Variants in EIF4G3 observed in about 807,000 individuals in gnomAD.
EIF4G3 encodes eIF-4-gamma 3.
In EIF4G3, 34 loss-of-function variants were observed where a neutral mutation model predicts 186.4. The ratio of observed to expected loss-of-function variants is 0.18; its 90% confidence interval spans 0.14 to 0.24. EIF4G3 has a LOEUF of 0.24. Among genes scored for constraint, EIF4G3 ranks in the 10% least tolerant of loss-of-function variants. EIF4G3 has a pLI of 1.00. For missense variants in EIF4G3, 1,536 were observed against 1,948.5 expected (o/e 0.79, Z 3.99); for synonymous variants, 673 against 679.5 (o/e 0.99, Z 0.15).
intron 34 of EIF4G3, 44 bp from the exon 35 acceptor site, chr1:20,813,283 G>A (rs1177015074): frequency 6.9e-7 from 1 of 1,457,472 alleles, no homozygotes. Flanking sequence ...ACCTTGCTCA[G>A]CCAGGCACAG....
intron 12 of EIF4G3, among the ~76,000 whole-genome samples, chr1:20,955,500 G>A (rs2154563968): frequency 6.6e-6 from 1 of 152,204 alleles, no homozygotes; most frequent in Non-Finnish European, 1.5e-5. Flanking sequence ...CTCCTAAAAT[G>A]CGGAGATTAC....
chr1:21,038,832 C>T (rs2093393599), intron 4 of EIF4G3, among the ~76,000 whole-genome samples: 1 of 152,154 alleles, frequency 6.6e-6, no homozygotes, highest in African/African-American at 2.4e-5. Context: ...AGCAATGATG[C>T]TTTCTTCACC....
At chr1:21,111,680 A>G (rs2096730003) in intron 2 of EIF4G3, 1 of 160,514 alleles carries the variant, frequency 6.2e-6, no homozygotes, top group Non-Finnish European at 1.4e-5. Context: ...AAAAGAAACT[A>G]AAAAGAATGC....
intron 7 of EIF4G3, among the ~76,000 whole-genome samples, chr1:20,984,360 T>C (rs1237676922): frequency 6.6e-6 from 1 of 151,724 alleles, no homozygotes; most frequent in Non-Finnish European, 1.5e-5. Flanking sequence ...GAGACGGGGT[T>C]TCACCATATT....
At chr1:21,173,137 C>CCA (rs2098021100) in intron 2 of EIF4G3, among the ~76,000 whole-genome samples, 1 of 29,164 alleles carries the variant, frequency 3.4e-5, no homozygotes, top group Middle Eastern at 0.033. Flanking sequence ...GACTCAATCT[C>CCA]AAAAAAAAAA....
intron 7 of EIF4G3, among the ~76,000 whole-genome samples, chr1:20,994,627 A>ATTTT (rs1558615949): frequency 5.5e-5 from 6 of 109,146 alleles, no homozygotes; most frequent in African/African-American, 6.8e-5. Context: ...AAACATATAT[A>ATTTT]CTTTTTTTTT....
At chr1:20,879,208 TA>T in intron 20 of EIF4G3, 114 bp downstream of exon 20, 1 of 733,752 alleles carries the variant, frequency 1.4e-6, no homozygotes, top group South Asian at 3.6e-5. Flanking sequence ...CAATAAATAC[TA>T]AAAATATATT....
In EIF4G3 at chr1:20,901,969, TG is replaced by T. The variant is rs2090453223; in HGVS notation, c.1753-2027del. Among the ~76,000 whole-genome samples, 3 of 152,284 alleles carry T rather than the reference TG, an allele frequency of 2.0e-5. No homozygotes were observed. The South Asian group carries it at 6.2e-4, about 32-fold the overall frequency. On this transcript the variant is annotated intron_variant, in intron 15 of 36. Transcript: ENST00000602326. ...GACTGGCAACTATGTATATAATAAT[TG>T]ATGAAATGCTCTAAAATTTTAAAAC...
chr1:20,849,551 A>G (rs757750784), intron 28 of EIF4G3, 21 bp from the exon 29 acceptor site: 10 of 1,216,404 alleles, frequency 8.2e-6, no homozygotes, highest in East Asian at 5.0e-5. Context: ...GGCCCCCCAA[A>G]AAAAGTAAAA....
intron 10 of EIF4G3, among the ~76,000 whole-genome samples, chr1:20,976,166 AT>A (rs949149026): frequency 6.7e-6 from 1 of 148,230 alleles, no homozygotes; most frequent in Admixed American, 6.7e-5. Flanking sequence ...TTGTATTTTT[AT>A]TTTATTTATT....
chr1:21,095,907 T>C (rs1002627914), intron 2 of EIF4G3, among the ~76,000 whole-genome samples: 1 of 152,064 alleles, frequency 6.6e-6, no homozygotes, highest in Non-Finnish European at 1.5e-5. Flanking sequence ...TGAGACAAAA[T>C]GATATTCATA....
In EIF4G3 at chr1:20,977,749, T is replaced by C. The variant is rs76312061; in HGVS notation, c.493+2585A>G. 6.0e-3 allele frequency among the ~76,000 whole-genome samples: 906 copies of C among 152,268 alleles called. 15 individuals carry two copies. The highest frequency in any genetic ancestry group is 0.024 in the East Asian group (125 of 5,188). On this transcript the variant is annotated intron_variant, in intron 10 of 36. Coordinates refer to ENST00000602326, the MANE Select transcript of EIF4G3 (RefSeq NM_001391906.1). ...TAAAAATGAATAAAAATGGTATATA[T>C]CTAATAGAAATAAAGCCAAAATGTT...
intron 2 of EIF4G3, among the ~76,000 whole-genome samples, chr1:21,095,560 G>A (rs2096344375): frequency 1.3e-5 from 2 of 151,992 alleles, no homozygotes; most frequent in African/African-American, 2.4e-5. Context: ...CAATCCTCTT[G>A]CCTCAGCCTC....
At chr1:20,826,729 C>G (rs1405431458) in intron 32 of EIF4G3, among the ~76,000 whole-genome samples, 3 of 151,996 alleles carry the variant, frequency 2.0e-5, no homozygotes, top group Non-Finnish European at 2.9e-5. Context: ...ACCTCGTGAT[C>G]TGCCCACCTT....
In EIF4G3 at chr1:20,841,113, C is replaced by G. The variant is rs557661810; in HGVS notation, c.3889-85G>C. ...AGATAACTTTAAAATCTTTTACTTA[C>G]AACAGAATCAGTAGAAACTTCCATG... On this transcript the variant is annotated intron_variant, in intron 29 of 36. Coordinates refer to ENST00000602326, the MANE Select transcript of EIF4G3 (RefSeq NM_001391906.1). The G allele has an allele frequency of 4.4e-6, 6 of 1,377,444 alleles. No homozygotes were observed. The South Asian group carries it at 6.8e-5, about 16-fold the overall frequency. The allele number at this position is 1,377,444 out of a possible 1,614,324, so 85.3% of individuals were successfully genotyped here.
chr1:21,059,825 A>G (rs2094792462), intron 3 of EIF4G3, among the ~76,000 whole-genome samples: 1 of 152,246 alleles, frequency 6.6e-6, no homozygotes, highest in South Asian at 2.1e-4. Flanking sequence ...AATGTTGTTA[A>G]AATTGGAGGG....
intron 4 of EIF4G3, among the ~76,000 whole-genome samples, chr1:21,011,358 T>C (rs1470589872): frequency 6.6e-6 from 1 of 152,142 alleles, no homozygotes. Context: ...TTGAAATAAT[T>C]ATAGATTTAC....
rs973900626 is a variant in EIF4G3 at position 20,828,800 on chromosome 1, A to G, written c.4187+347T>C. ...GGGTAATGCAGTCTGACAAGTTACA[A>G]TGGGAAAATATAACTACTTACAGCA... On this transcript the variant is annotated intron_variant, in intron 31 of 36. Transcript: ENST00000602326. 2.6e-5 allele frequency among the ~76,000 whole-genome samples: 4 copies of G among 152,198 alleles called. No homozygotes were observed. The East Asian group carries it at 5.8e-4, about 22-fold the overall frequency.
chr1:21,099,361 GAGTC>G lies in EIF4G3; in HGVS notation c.-271-10152_-271-10149del, dbSNP rs1470724137. Among the ~76,000 whole-genome samples, 4 of 152,228 alleles carry G rather than the reference GAGTC, an allele frequency of 2.6e-5. No individual in the cohort carries two copies. The East Asian group carries it at 7.7e-4, about 29-fold the overall frequency. On this transcript the variant is annotated intron_variant, in intron 2 of 36. Coordinates refer to ENST00000602326, the MANE Select transcript of EIF4G3 (RefSeq NM_001391906.1). Reference sequence around the variant, plus strand: ...CATAATGGCCAAAAACACTAGAAATGAGTCAAATATCTTCAACTGGCCAATAGAC... The same window carrying G: ...CATAATGGCCAAAAACACTAGAAATGAAATATCTTCAACTGGCCAATAGAC...
Sources: gnomAD v4.1 joint callset for allele counts (sites outside exome capture counted in the v4.1 genomes callset) on GRCh38, gnomAD v4.1.1 for gene constraint, MANE v1.5 for transcripts, NCBI Gene and HGNC (gene_info 2026-07-23, HGNC 2026-07-21) for gene names.